PIK3IP1: variants seen among roughly 807,000 people sequenced by gnomAD.
PIK3IP1 encodes phosphoinositide-3-kinase-interacting protein 1.
In PIK3IP1, 28 loss-of-function variants were observed where a neutral mutation model predicts 30.7. The ratio of observed to expected loss-of-function variants is 0.91; its 90% CI spans 0.68 to 1.25. The LOEUF (loss-of-function observed/expected upper bound fraction) is 1.25. PIK3IP1 is among the 50% of genes most tolerant of loss of function. PIK3IP1 has a pLI of 0.00. For synonymous variants in PIK3IP1, 159 were observed against 140.8 expected, an observed-to-expected ratio of 1.13 and a Z score of -0.91; for missense variants, 333 against 346.2, an observed-to-expected ratio of 0.96 and a Z score of 0.30.
At position 31,283,961 on chromosome 22, in the gene PIK3IP1, A is replaced by G. The variant is rs577055320; in HGVS notation, c.588-673T>C. ...TGCTTTTTGCCCAGGCTGGAGTACA[A>G]TGGCACAATCTCGGCTCACTGCAAC... is the stretch of plus-strand genomic sequence containing the variant. On this transcript the variant is annotated intron_variant, in intron 5 of 5. Transcript: ENST00000215912. Among the ~76,000 whole-genome samples, 11 of 152,194 alleles carry G rather than the reference A, an allele frequency of 7.2e-5. No individual in the cohort carries two copies. In the East Asian group the frequency reaches 1.4e-3, roughly 19 times the overall value.
At chr22:31,291,133 C>T in intron 2 of PIK3IP1, 47 bp downstream of exon 2, 15 of 1,536,998 alleles carry the variant, frequency 9.8e-6, no homozygotes, top group Non-Finnish European at 1.3e-5. Context: ...ACCGGGAACG[C>T]GGCCGCCGCC....
chr22:31,286,916 G>A (rs2049134830), intron 5 of PIK3IP1, among the ~76,000 whole-genome samples: 1 of 151,976 alleles, frequency 6.6e-6, no homozygotes, highest in South Asian at 2.1e-4. Context: ...AACAACCTCA[G>A]ACTGGGCGTC....
At chr22:31,290,936 C>T (rs779665421) in intron 3 of PIK3IP1, 29 bp downstream of exon 3, 6 of 1,543,574 alleles carry the variant, frequency 3.9e-6, no homozygotes, top group South Asian at 3.6e-5. Flanking sequence ...GCGCCAGGAG[C>T]GGGGATTCCC....
At position 31,282,156 on chromosome 22, in the gene PIK3IP1, A is replaced by C. The variant is rs1041252798; in HGVS notation, c.*928T>G. 6.6e-6 allele frequency: 1 copy of C among 152,196 alleles called. No individual in the cohort carries two copies. Among genetic ancestry groups the C allele is most frequent in the Non-Finnish European group, 1.5e-5 (1 of 68,060 alleles). The allele number at this position is 152,196 out of a possible 1,614,324, so 9.4% of individuals were successfully genotyped here. On this transcript the variant is annotated 3_prime_UTR_variant, in exon 6 of 6. Transcript: ENST00000215912. ...TGGACGCCCGCAGGACCACCTGCTA[A>C]ATCAGGCCCACTTGGGGAGCAAGCC... is the stretch of plus-strand genomic sequence containing the variant.
In PIK3IP1 at chr22:31,282,983, T is replaced by C; in HGVS notation, c.*101A>G. The C allele has an allele frequency of 6.7e-6, 6 of 901,170 alleles. No homozygotes were observed. The highest frequency in any genetic ancestry group is 9.9e-6 in the Non-Finnish European group (6 of 603,306). 55.8% of individuals were successfully genotyped at this position (901,170 alleles called of 1,614,324 possible). On this transcript the variant is annotated 3_prime_UTR_variant, in exon 6 of 6. Coordinates refer to ENST00000215912, the MANE Select transcript of PIK3IP1 (RefSeq NM_052880.5). ...ATTCGCCAAAAAAGCGGGGGAGTGG[T>C]AGGGTTTTAACCAGAACACAAAGTG...
In PIK3IP1 at chr22:31,292,466, G is replaced by GT. The variant is rs2049188493; in HGVS notation, c.-123dup. ...GACCTGCCCTTGTTATGCTGTTCTG[G>GT]TAAACAGCCTCTCTTTAGAACTGGG... is the stretch of plus-strand genomic sequence containing the variant. On this transcript the variant is annotated 5_prime_UTR_variant, in exon 1 of 6. Transcript: ENST00000215912. 1.3e-6 allele frequency: 1 copy of GT among 751,194 alleles called. No individual in the cohort carries two copies. The highest frequency in any genetic ancestry group is 1.7e-5 in the African/African-American group (1 of 57,666). 46.5% of individuals were successfully genotyped at this position (751,194 alleles called of 1,614,324 possible).
chr22:31,289,291 G>C, intron 5 of PIK3IP1, 24 bp downstream of exon 5: 1 of 1,612,858 alleles, frequency 6.2e-7, no homozygotes, highest in Non-Finnish European at 8.5e-7. Context: ...CCTCCTAAGA[G>C]GGCCCAGAAG....
At chr22:31,289,072 CAG>C in intron 5 of PIK3IP1, 1 of 589,076 alleles carries the variant, frequency 1.7e-6, no homozygotes, top group Non-Finnish European at 3.0e-6. Flanking sequence ...AAGTCTCTGA[CAG>C]AGGCTTCTTC....
chr22:31,285,851 C>T (rs568055885), intron 5 of PIK3IP1, among the ~76,000 whole-genome samples: 2 of 152,290 alleles, frequency 1.3e-5, no homozygotes, highest in Admixed American at 6.5e-5. Flanking sequence ...TCTAACAGTG[C>T]TCCTAGTGTG....
At chr22:31,285,343 T>C (rs1203032509) in intron 5 of PIK3IP1, among the ~76,000 whole-genome samples, 1 of 152,234 alleles carries the variant, frequency 6.6e-6, no homozygotes. Context: ...ACCAATTGTA[T>C]GCCTAAACTA....
intron 5 of PIK3IP1, among the ~76,000 whole-genome samples, chr22:31,288,362 G>C (rs2049146680): frequency 8.9e-6 from 1 of 112,048 alleles, no homozygotes; most frequent in Non-Finnish European, 1.7e-5. Context: ...CTAGGCAATA[G>C]AGCGAGACCC....
chr22:31,289,502 G>C lies in PIK3IP1; in HGVS notation c.505C>G (p.Leu169Val). 2 of 1,534,144 alleles carry C rather than the reference G, an allele frequency of 1.3e-6. No individual in the cohort carries two copies. Among genetic ancestry groups the C allele is most frequent in the Non-Finnish European group, 1.8e-6 (2 of 1,138,834 alleles). The change falls in exon 4 of 6, where the codon CTG becomes GTG. Residue 169 changes from leucine (L) to valine (V), a missense_variant. Coordinates refer to ENST00000215912, the MANE Select transcript of PIK3IP1 (RefSeq NM_052880.5). ...NSKEKKDLGT[L>V]GYVLGITMMV... Reference sequence around the variant, plus strand: ...CAGGGGTGGGGGACCGTCATACCCAGAGTTCCCAGGTCCTTTTTCTCCTTG... The same window carrying C: ...CAGGGGTGGGGGACCGTCATACCCACAGTTCCCAGGTCCTTTTTCTCCTTG...
intron 3 of PIK3IP1, chr22:31,290,698 C>G: frequency 2.2e-6 from 1 of 451,314 alleles, no homozygotes; most frequent in East Asian, 4.0e-5. Flanking sequence ...AGCCACTCCT[C>G]AGGACGCGCG....
rs572869165 is a variant in PIK3IP1, at chr22:31,292,144, A to G, written c.70+131T>C. On this transcript the variant is annotated intron_variant, in intron 1 of 5. Transcript: ENST00000215912. Reference sequence around the variant, plus strand: ...CCTGACAAGGAAAGGAGGGGTGGAAAAGCTTTCACGGGACAACAGAAACCG... The same window carrying G: ...CCTGACAAGGAAAGGAGGGGTGGAAGAGCTTTCACGGGACAACAGAAACCG... 6 of 848,562 alleles carry G rather than the reference A, an allele frequency of 7.1e-6. No homozygotes were observed. The African/African-American group carries it at 1.0e-4, about 14-fold the overall frequency. 52.6% of individuals were successfully genotyped at this position (848,562 alleles called of 1,614,324 possible).
At chr22:31,292,156 G>T in intron 1 of PIK3IP1, 119 bp downstream of exon 1, 1 of 970,158 alleles carries the variant, frequency 1.0e-6, no homozygotes. Context: ...GCTTTCACGG[G>T]ACAACAGAAA....
At chr22:31,286,090 T>C (rs1033377882) in intron 5 of PIK3IP1, among the ~76,000 whole-genome samples, 2 of 151,842 alleles carry the variant, frequency 1.3e-5, no homozygotes, top group Non-Finnish European at 2.9e-5. Context: ...GGAGAATCAC[T>C]TGAACCCAGG....
Position 31,292,463 on chromosome 22 carries a change from C to G in PIK3IP1, c.-119G>C, listed in dbSNP as rs369584684. 5.9e-5 allele frequency: 45 copies of G among 766,860 alleles called. 1 individual carries two copies. The East Asian group carries it at 6.7e-4, about 11-fold the overall frequency. 47.5% of individuals were successfully genotyped at this position (766,860 alleles called of 1,614,324 possible). On this transcript the variant is annotated 5_prime_UTR_variant, in exon 1 of 6. Transcript: ENST00000215912. ...TCAGACCTGCCCTTGTTATGCTGTT[C>G]TGGTAAACAGCCTCTCTTTAGAACT...
rs2049099937 is a variant in PIK3IP1 at position 31,282,865 on chromosome 22, C to T, written c.*219G>A. On this transcript the variant is annotated 3_prime_UTR_variant, in exon 6 of 6. Transcript: ENST00000215912. ...CACTGTCTCCATCCACAGACAAAATCTGCTCCAAGGGATGGACAAGGAGCA... is the reference window on the plus strand; with the variant it reads ...CACTGTCTCCATCCACAGACAAAATTTGCTCCAAGGGATGGACAAGGAGCA... 2 of 525,464 alleles carry T rather than the reference C, an allele frequency of 3.8e-6. No homozygotes were observed. The highest frequency in any genetic ancestry group is 1.9e-5 in the African/African-American group (1 of 52,640). The allele number at this position is 525,464 out of a possible 1,614,324, so 32.6% of individuals were successfully genotyped here.
chr22:31,285,450 A>G (rs2049123895), intron 5 of PIK3IP1, among the ~76,000 whole-genome samples: 1 of 152,190 alleles, frequency 6.6e-6, no homozygotes, highest in South Asian at 2.1e-4. Flanking sequence ...TATTTGTTCA[A>G]GCAAATGGCA....
Sources: allele counts gnomAD v4.1 joint callset (sites outside exome capture counted in the v4.1 genomes callset), GRCh38; gene constraint gnomAD v4.1.1; transcripts MANE v1.5; gene names NCBI Gene and HGNC (gene_info 2026-07-23, HGNC 2026-07-21).